The following KCNK6 variants were observed in gnomAD, a reference collection of about 807,000 sequenced individuals.
The protein encoded by KCNK6 is potassium channel subfamily K member 6.
KCNK6 carries 20 observed loss-of-function variants against 21.9 expected under a neutral mutation model. The observed-to-expected ratio is 0.91, with a 90% CI of 0.64 to 1.32. KCNK6 has a LOEUF of 1.32. Among genes scored for constraint, KCNK6 ranks in the 40% most tolerant of loss-of-function variants. The pLI is 0.00. For missense variants in KCNK6, 415 were observed against 433.1 expected (o/e 0.96, Z 0.37); for synonymous variants, 210 against 218.0 (o/e 0.96, Z 0.32).
intron 2 of KCNK6, 25 bp from the exon 3 acceptor site, chr19:38,327,155 C>G (rs1287403944): frequency 6.2e-7 from 1 of 1,606,134 alleles, no homozygotes; most frequent in Admixed American, 1.7e-5. Flanking sequence ...CCAGGATGAC[C>G]AACGCCCCTT....
In KCNK6 at chr19:38,331,156, AC is replaced by A. The variant is rs1969765300; in HGVS notation, c.*3757del. 1 of 151,774 alleles carries A rather than the reference AC, an allele frequency of 6.6e-6. No individual in the cohort carries two copies. The highest frequency in any genetic ancestry group is 6.6e-5 in the Admixed American group (1 of 15,206). 9.4% of individuals were successfully genotyped at this position (151,774 alleles called of 1,614,324 possible). A position where few individuals can be genotyped will look rare whatever the true frequency, so the allele number is the denominator to read the frequency against. On this transcript the variant is annotated 3_prime_UTR_variant, in exon 3 of 3. Transcript: ENST00000263372. ...AGCCTGGACATGTTAACATAGCAAGACCCCTCTACAGAAAATGTTAAAAATG... is the reference window on the plus strand; with the variant it reads ...AGCCTGGACATGTTAACATAGCAAGACCCTCTACAGAAAATGTTAAAAATG...
chr19:38,325,290 C>A, intron 1 of KCNK6: 1 of 516,512 alleles, frequency 1.9e-6, no homozygotes, highest in Non-Finnish European at 2.5e-6. Flanking sequence ...CTAATTTTTG[C>A]ATTTTTAGTA....
intron 1 of KCNK6, among the ~76,000 whole-genome samples, chr19:38,321,760 T>A (rs1408293864): frequency 6.6e-6 from 1 of 152,240 alleles, no homozygotes; most frequent in Admixed American, 6.5e-5. Flanking sequence ...CTCCCCTGGG[T>A]CTGCCCATGC....
Position 38,321,828 on chromosome 19 carries a change from C to T in KCNK6, c.322+1556C>T, listed in dbSNP as rs533627347. 6.6e-5 allele frequency among the ~76,000 whole-genome samples: 10 copies of T among 152,340 alleles called. No individual in the cohort carries two copies. The East Asian group carries it at 1.9e-3, about 29-fold the overall frequency. ...CCTGGGTCATGTGCACGCCTCCTAC[C>T]TCTTCCCAGATCCTGGCTTCTAAGA... is the stretch of plus-strand genomic sequence containing the variant. On this transcript the variant is annotated intron_variant, in intron 1 of 2. Transcript: ENST00000263372.
intron 1 of KCNK6, chr19:38,325,283 A>C: frequency 4.7e-6 from 2 of 422,598 alleles, no homozygotes; most frequent in South Asian, 9.9e-5. Context: ...TGCCCGGCTA[A>C]TTTTTGCATT....
In KCNK6 at chr19:38,326,828, G is replaced by C. The variant is rs1969714325; in HGVS notation, c.558G>C (p.Leu186=). 2 of 1,609,556 alleles carry C rather than the reference G, an allele frequency of 1.2e-6. No homozygotes were observed. Among genetic ancestry groups the C allele is most frequent in the African/African-American group, 2.7e-5 (2 of 74,944 alleles). The part of the protein sequence containing the change: ...LLGVVVTVCF[L]VPAVIFAHLE... ...GGGTCGTAGTGACCGTCTGCTTTCT[G>C]GTGCCGGCTGTGATCTTTGCCCACC... The change falls in exon 2 of 3, where the codon CTG becomes CTC. Residue 186 remains leucine, a synonymous_variant. Coordinates refer to ENST00000263372, the MANE Select transcript of KCNK6 (RefSeq NM_004823.3).
chr19:38,325,002 ATT>A (rs1407787037), intron 1 of KCNK6: 1 of 151,244 alleles, frequency 6.6e-6, no homozygotes, highest in Non-Finnish European at 1.5e-5. Flanking sequence ...ATACATTCAT[ATT>A]GTTACCATCA....
At position 38,327,562 on chromosome 19, in the gene KCNK6, G is replaced by A. The variant is rs1009379138; in HGVS notation, c.*159G>A. Reference sequence around the variant, plus strand: ...TTGTTTCCCAGCATCTGGCTGGGATGTGAAGGGCAGCACTCCCTGTCCCCA... The same window carrying A: ...TTGTTTCCCAGCATCTGGCTGGGATATGAAGGGCAGCACTCCCTGTCCCCA... On this transcript the variant is annotated 3_prime_UTR_variant, in exon 3 of 3. Coordinates refer to ENST00000263372, the MANE Select transcript of KCNK6 (RefSeq NM_004823.3). 7 of 674,614 alleles carry A rather than the reference G, an allele frequency of 1.0e-5. No homozygotes were observed. The highest frequency in any genetic ancestry group is 1.8e-5 in the African/African-American group (1 of 55,542). The allele number at this position is 674,614 out of a possible 1,614,324, so 41.8% of individuals were successfully genotyped here. A position where few individuals can be genotyped will look rare whatever the true frequency, so the allele number is the denominator to read the frequency against.
At chr19:38,325,327 G>A (rs2145041403) in intron 1 of KCNK6, 1 of 837,074 alleles carries the variant, frequency 1.2e-6, no homozygotes, top group Non-Finnish European at 1.4e-6. Context: ...ATATTGGTCA[G>A]GCTAGTCTTG....
At chr19:38,326,101 A>G (rs1196249519) in intron 1 of KCNK6, among the ~76,000 whole-genome samples, 1 of 152,236 alleles carries the variant, frequency 6.6e-6, no homozygotes, top group Non-Finnish European at 1.5e-5. Flanking sequence ...CGAGGGCGTC[A>G]GGGATGAAGG....
Position 38,327,738 on chromosome 19 carries a change from T to C in KCNK6, c.*335T>C. The C allele has an allele frequency of 2.9e-6, 1 of 345,460 alleles. No homozygotes were observed. The highest frequency in any genetic ancestry group is 5.5e-6 in the Non-Finnish European group (1 of 182,640). The allele number at this position is 345,460 out of a possible 1,614,324, so 21.4% of individuals were successfully genotyped here. A position where few individuals can be genotyped will look rare whatever the true frequency, so the allele number is the denominator to read the frequency against. ...GTTTCTCATTCTCTTTCATGTTCCG[T>C]CTGTGTCTCTCAATTAACCACTCGT... On this transcript the variant is annotated 3_prime_UTR_variant, in exon 3 of 3. Coordinates refer to ENST00000263372, the MANE Select transcript of KCNK6 (RefSeq NM_004823.3).
intron 2 of KCNK6, 49 bp downstream of exon 2, chr19:38,327,037 C>T (rs1271953103): frequency 6.4e-7 from 1 of 1,566,702 alleles, no homozygotes; most frequent in Non-Finnish European, 8.6e-7. Flanking sequence ...TAGCCCTGTC[C>T]CTGGGGGAGT....
At chr19:38,323,639 C>T (rs1969676899) in intron 1 of KCNK6, among the ~76,000 whole-genome samples, 1 of 152,212 alleles carries the variant, frequency 6.6e-6, no homozygotes, top group African/African-American at 2.4e-5. Flanking sequence ...CTTGCTCTGT[C>T]ACCCAGGCTA....
chr19:38,325,307 G>A, intron 1 of KCNK6: 1 of 667,058 alleles, frequency 1.5e-6, no homozygotes, highest in Non-Finnish European at 1.9e-6. Flanking sequence ...AGTAGAGACG[G>A]GGTTTCACCA....
rs1157760927 is a variant in KCNK6, at chr19:38,327,641, A to G, written c.*238A>G. The G allele has an allele frequency of 1.8e-6, 1 of 568,948 alleles. No individual in the cohort carries two copies. Among genetic ancestry groups the G allele is most frequent in the Non-Finnish European group, 3.2e-6 (1 of 316,574 alleles). 35.2% of individuals were successfully genotyped at this position (568,948 alleles called of 1,614,324 possible). On this transcript the variant is annotated 3_prime_UTR_variant, in exon 3 of 3. Coordinates refer to ENST00000263372, the MANE Select transcript of KCNK6 (RefSeq NM_004823.3). ...AACCTTGTTCTCTGTCCTTTCTCTCATCCTCTTTACACTGTGTCTCTCTGG... is the reference window on the plus strand; with the variant it reads ...AACCTTGTTCTCTGTCCTTTCTCTCGTCCTCTTTACACTGTGTCTCTCTGG...
At position 38,327,243 on chromosome 19, in the gene KCNK6, A is replaced by C. The variant is rs758628815; in HGVS notation, c.782A>C (p.Asp261Ala). Residue 261 changes from aspartate to alanine, a missense_variant, in exon 3 of 3, where the codon GAC becomes GCC. Asp to Ala is a moderately radical substitution (Grantham distance 126). Coordinates refer to ENST00000263372, the MANE Select transcript of KCNK6 (RefSeq NM_004823.3). The stretch of plus-strand genomic sequence containing the variant: ...CTGCAGACCTTCCGCCACGTGTCCG[A>C]CCTCCACGGCCTCACGGAGCTCATC... Reference protein sequence around the residue: ...LVLQTFRHVSDLHGLTELILL... With the variant: ...LVLQTFRHVSALHGLTELILL... The C allele has an allele frequency of 3.1e-6, 5 of 1,612,970 alleles. No individual in the cohort carries two copies. The highest frequency in any genetic ancestry group is 3.4e-6 in the Non-Finnish European group (4 of 1,179,974).
intron 1 of KCNK6, among the ~76,000 whole-genome samples, chr19:38,324,885 C>G (rs1229895287): frequency 6.6e-6 from 1 of 152,088 alleles, no homozygotes; most frequent in African/African-American, 2.4e-5. Context: ...AACCACCATG[C>G]CTGGCTGGGA....
At chr19:38,324,494 A>G (rs2145040703) in intron 1 of KCNK6, among the ~76,000 whole-genome samples, 1 of 152,282 alleles carries the variant, frequency 6.6e-6, no homozygotes, top group South Asian at 2.1e-4. Context: ...AGGTCGCCTA[A>G]TGGTCCAAGA....
chr19:38,330,007 G>A lies in KCNK6; in HGVS notation c.*2604G>A, dbSNP rs1031327031. The A allele has an allele frequency of 6.6e-6, 1 of 152,296 alleles. No homozygotes were observed. Among genetic ancestry groups the A allele is most frequent in the Non-Finnish European group, 1.5e-5 (1 of 68,118 alleles). The allele number at this position is 152,296 out of a possible 1,614,324, so 9.4% of individuals were successfully genotyped here. A position where few individuals can be genotyped will look rare whatever the true frequency, so the allele number is the denominator to read the frequency against. ...CTGCTTTAGAATATGGTGGGTGTGT[G>A]GGGCAAAAGGGACACCCAGGGGTGT... On this transcript the variant is annotated 3_prime_UTR_variant, in exon 3 of 3. Coordinates refer to ENST00000263372, the MANE Select transcript of KCNK6 (RefSeq NM_004823.3).
Sources: gnomAD v4.1 joint callset for allele counts (sites outside exome capture counted in the v4.1 genomes callset) on GRCh38, gnomAD v4.1.1 for gene constraint, MANE v1.5 for transcripts, NCBI Gene and HGNC (gene_info 2026-07-23, HGNC 2026-07-21) for gene names.